The following AACS variants were observed in gnomAD, a reference collection of about 807,000 sequenced individuals.
AACS encodes acetoacetyl-CoA synthetase, also known as acetoacetate-CoA ligase.
Under a neutral mutation model 83.1 loss-of-function variants are expected in AACS, and 69 were observed. The observed-to-expected ratio is 0.83, with a 90% CI of 0.68 to 1.01. The LOEUF is 1.01. Among genes scored for constraint, AACS ranks in the 50% least tolerant of loss-of-function variants. AACS has a pLI of 0.00. For missense variants in AACS, 866 were observed against 882.2 expected, an observed-to-expected ratio of 0.98 and a Z score of 0.23; for synonymous variants, 333 against 343.4, an observed-to-expected ratio of 0.97 and a Z score of 0.33.
intron 4 of AACS, among the ~76,000 whole-genome samples, chr12:125,088,679 A>G (rs192955601): frequency 1.3e-5 from 2 of 152,328 alleles, no homozygotes; most frequent in African/African-American, 4.8e-5. Context: ...ATTTAAAAAA[A>G]TCTTTTGAAG....
At chr12:125,093,339 G>C (rs557493731) in intron 5 of AACS, among the ~76,000 whole-genome samples, 1 of 152,332 alleles carries the variant, frequency 6.6e-6, no homozygotes, top group East Asian at 1.9e-4. Context: ...GGTGGAGAGA[G>C]GGAGAGCCTC....
At chr12:125,128,332 G>A in intron 13 of AACS, 58 bp downstream of exon 13, 1 of 1,463,536 alleles carries the variant, frequency 6.8e-7, no homozygotes, top group Non-Finnish European at 9.3e-7. Flanking sequence ...GAGTGTGGGA[G>A]CGTTCGGATG....
chr12:125,099,769 G>A (rs992252367), intron 5 of AACS, among the ~76,000 whole-genome samples: 6 of 152,086 alleles, frequency 3.9e-5, no homozygotes, highest in East Asian at 1.9e-4. Context: ...TCTGCCTCCC[G>A]GGCTCAAGCG....
chr12:125,112,617 T>C (rs1956977048), intron 8 of AACS, among the ~76,000 whole-genome samples: 1 of 141,422 alleles, frequency 7.1e-6, no homozygotes, highest in Non-Finnish European at 1.5e-5. Context: ...GAGGTGGAGG[T>C]TGCAGTGAGC....
chr12:125,127,209 C>G (rs1957260184), intron 12 of AACS: 1 of 152,116 alleles, frequency 6.6e-6, no homozygotes, highest in South Asian at 2.1e-4. Flanking sequence ...ACCGTTGGTT[C>G]CTCGGCCTGA....
intron 15 of AACS, 86 bp from the exon 16 acceptor site, chr12:125,134,707 TG>T (rs1156318335): frequency 1.6e-5 from 24 of 1,457,402 alleles, no homozygotes; most frequent in Non-Finnish European, 2.1e-5. Context: ...CATGGGAAAG[TG>T]GGGGGTGACT....
In AACS at chr12:125,097,544, G is replaced by C. The variant is rs1956634480; in HGVS notation, c.571-5135G>C. Reference sequence around the variant, plus strand: ...CCGCCGTGAACTTTGCTGAGGGGCAGAGGAAGTGGCGGGAGTAGAGAGAAG... The same window carrying C: ...CCGCCGTGAACTTTGCTGAGGGGCACAGGAAGTGGCGGGAGTAGAGAGAAG... On this transcript the variant is annotated intron_variant, in intron 5 of 17. Transcript: ENST00000316519. This position sits in a 1 kb window ranked among gnomAD's most constrained non-coding sequence, Gnocchi z 4.3. Among the ~76,000 whole-genome samples, 1 of 152,136 alleles carries C rather than the reference G, an allele frequency of 6.6e-6. No homozygotes were observed.
rs544915668 is a variant in AACS at position 125,102,431 on chromosome 12, G to A, written c.571-248G>A. 5.0e-5 allele frequency: 20 copies of A among 403,298 alleles called. No homozygotes were observed. In the Admixed American group the frequency reaches 5.0e-4, roughly 10 times the overall value. The allele number at this position is 403,298 out of a possible 1,614,324, so 25.0% of individuals were successfully genotyped here. A position where few individuals can be genotyped will look rare whatever the true frequency, so the allele number is the denominator to read the frequency against. ...CTGATGATGATGCCCTTTCTCTCCCGTGAAATGCAGTGGTCCTATTGGCTA... is the reference window on the plus strand; with the variant it reads ...CTGATGATGATGCCCTTTCTCTCCCATGAAATGCAGTGGTCCTATTGGCTA... On this transcript the variant is annotated intron_variant, in intron 5 of 17. Transcript: ENST00000316519.
Position 125,086,320 on chromosome 12 carries a change from C to A in AACS, c.359-10C>A, listed in dbSNP as rs775287691. 6.2e-7 allele frequency: 1 copy of A among 1,611,356 alleles called. No homozygotes were observed. The highest frequency in any genetic ancestry group is 1.1e-5 in the South Asian group (1 of 90,744). On this transcript the variant is annotated splice_polypyrimidine_tract_variant and intron_variant, in intron 3 of 17. Coordinates refer to ENST00000316519, the MANE Select transcript of AACS (RefSeq NM_023928.5). ...GGTCTGTGTACAATTTACCCTTTTT[C>A]TCTTCCCAGGGGAAGGCAAAGAGGA... is the stretch of plus-strand genomic sequence containing the variant.
At chr12:125,119,849 G>C (rs572802111) in intron 10 of AACS, 7 of 152,370 alleles carry the variant, frequency 4.6e-5, no homozygotes, top group African/African-American at 1.4e-4. Flanking sequence ...TGACTGGGGG[G>C]CTGCGTGGTG....
intron 16 of AACS, 123 bp downstream of exon 16, chr12:125,134,975 C>A: frequency 8.9e-7 from 1 of 1,127,284 alleles, no homozygotes; most frequent in Non-Finnish European, 1.3e-6. Flanking sequence ...TGACAGTGGA[C>A]ATTTGTGAGC....
At chr12:125,133,319 T>C (rs1236632358) in intron 14 of AACS, among the ~76,000 whole-genome samples, 2 of 152,226 alleles carry the variant, frequency 1.3e-5, no homozygotes, top group East Asian at 3.9e-4. Flanking sequence ...ATCTGGGATT[T>C]GATCCCTTTG....
At chr12:125,110,155 G>A (rs1465152572) in intron 8 of AACS, among the ~76,000 whole-genome samples, 10 of 151,162 alleles carry the variant, frequency 6.6e-5, no homozygotes, top group Admixed American at 6.6e-4. Flanking sequence ...GAGTAGCTGG[G>A]ATTATAGGCG....
intron 9 of AACS, among the ~76,000 whole-genome samples, chr12:125,116,867 C>T (rs890132696): frequency 1.3e-5 from 2 of 149,592 alleles, no homozygotes; most frequent in Non-Finnish European, 3.0e-5. Context: ...CTTCCTTCCC[C>T]TTCCTTTCCC....
At chr12:125,133,556 TG>T (rs1957357447) in intron 14 of AACS, among the ~76,000 whole-genome samples, 2 of 152,252 alleles carry the variant, frequency 1.3e-5, no homozygotes, top group Admixed American at 1.3e-4. Context: ...GCCTCCTTCC[TG>T]GTCACGAGCA....
chr12:125,079,812 A>G (rs1247304971), intron 3 of AACS, among the ~76,000 whole-genome samples: 2 of 152,122 alleles, frequency 1.3e-5, no homozygotes, highest in African/African-American at 2.4e-5. Context: ...GTTCCAGAAC[A>G]TTTCCATTTT....
intron 8 of AACS, among the ~76,000 whole-genome samples, chr12:125,111,061 G>C (rs2136105991): frequency 6.6e-6 from 1 of 152,286 alleles, no homozygotes; most frequent in Middle Eastern, 3.4e-3. Context: ...TGAGGTCAGG[G>C]GTGGGGGGCA....
At position 125,128,215 on chromosome 12, in the gene AACS, A is replaced by G; in HGVS notation, c.1364A>G (p.Tyr455Cys). The stretch of plus-strand genomic sequence containing the variant: ...GGCCACAATTTTTCTCTTCCTGTGT[A>G]TAAAGGGGAGATTCAGGCCCGGAAC... The part of the protein sequence containing the change: ...FMGHNFSLPV[Y>C]KGEIQARNLG... Residue 455 changes from tyrosine to cysteine, a missense_variant, in exon 13 of 18, where the codon TAT becomes TGT. Tyr to Cys is a radical substitution (Grantham distance 194). Coordinates refer to ENST00000316519, the MANE Select transcript of AACS (RefSeq NM_023928.5). 2.5e-6 allele frequency: 4 copies of G among 1,613,242 alleles called. No homozygotes were observed. Among genetic ancestry groups the G allele is most frequent in the Non-Finnish European group, 3.4e-6 (4 of 1,179,416 alleles).
At chr12:125,124,289 C>T (rs546033674) in intron 10 of AACS, 2 of 163,680 alleles carry the variant, frequency 1.2e-5, no homozygotes, top group South Asian at 3.4e-4. Context: ...GAAGGAGACC[C>T]TGTCTAAAAT....
Sources: allele counts gnomAD v4.1 joint callset (sites outside exome capture counted in the v4.1 genomes callset), GRCh38; gene constraint gnomAD v4.1.1; non-coding constraint Gnocchi (gnomAD v3.1); transcripts MANE v1.5; gene names NCBI Gene and HGNC (gene_info 2026-07-23, HGNC 2026-07-21).